Variants in MEI1 observed in about 807,000 individuals in gnomAD.
MEI1 encodes meiosis inhibitor protein 1.
In MEI1, 103 loss-of-function variants were observed where a neutral mutation model predicts 146.2. That is an observed-to-expected ratio of 0.70 (90% CI 0.60 to 0.83). The LOEUF (loss-of-function observed/expected upper bound fraction) is 0.83. Ranked by LOEUF, MEI1 falls within the 40% of genes least tolerant of loss-of-function variation. The pLI is 0.00. For synonymous variants in MEI1, 652 were observed against 628.2 expected, an observed-to-expected ratio of 1.04 and a Z score of -0.57; for missense variants, 1,529 against 1,533.0, an observed-to-expected ratio of 1.00 and a Z score of 0.04.
At chr22:41,752,775 G>C in intron 16 of MEI1, 124 bp downstream of exon 16, 1 of 793,184 alleles carries the variant, frequency 1.3e-6, no homozygotes, top group Non-Finnish European at 2.2e-6. Context: ...CATAGTGTCA[G>C]CATTGCTCAG....
intron 6 of MEI1, among the ~76,000 whole-genome samples, chr22:41,721,331 G>T (rs1361933046): frequency 1.5e-5 from 2 of 133,808 alleles, no homozygotes; most frequent in African/African-American, 5.8e-5. Flanking sequence ...TGCAACCTCC[G>T]CCTCCCAGGT....
chr22:41,735,753 C>T (rs1397540719), intron 11 of MEI1, among the ~76,000 whole-genome samples: 1 of 152,040 alleles, frequency 6.6e-6, no homozygotes, highest in Non-Finnish European at 1.5e-5. Flanking sequence ...CTGTTGACTC[C>T]ATCACCTTTA....
At chr22:41,743,047 AC>A in intron 11 of MEI1, 32 bp from the exon 12 acceptor site, 2 of 1,529,262 alleles carry the variant, frequency 1.3e-6, no homozygotes, top group South Asian at 1.1e-5. Context: ...CCGTTGCCTT[AC>A]CGTGAACCTG....
At chr22:41,778,440 A>G (rs998994135) in intron 21 of MEI1, among the ~76,000 whole-genome samples, 2 of 152,256 alleles carry the variant, frequency 1.3e-5, no homozygotes, top group African/African-American at 4.8e-5. Context: ...CAAAATAGGA[A>G]TAACAATCCA....
intron 6 of MEI1, among the ~76,000 whole-genome samples, chr22:41,719,687 T>C (rs1292590939): frequency 6.6e-6 from 1 of 152,228 alleles, no homozygotes; most frequent in East Asian, 1.9e-4. Flanking sequence ...ATTCAAACCA[T>C]GGCACTAGGT....
chr22:41,765,127 C>A (rs1343034369), intron 19 of MEI1, among the ~76,000 whole-genome samples: 1 of 152,318 alleles, frequency 6.6e-6, no homozygotes, highest in East Asian at 1.9e-4. Context: ...GCCTCAGCCT[C>A]CCGAGTAGCT....
At chr22:41,760,031 C>T (rs1296621102) in intron 18 of MEI1, among the ~76,000 whole-genome samples, 7 of 151,960 alleles carry the variant, frequency 4.6e-5, no homozygotes, top group African/African-American at 7.2e-5. Flanking sequence ...AAAATCAGGC[C>T]GGGTGCAGTG....
At chr22:41,714,949 A>G (rs2069955474) in intron 4 of MEI1, among the ~76,000 whole-genome samples, 1 of 152,184 alleles carries the variant, frequency 6.6e-6, no homozygotes, top group Non-Finnish European at 1.5e-5. Flanking sequence ...ATATCAGAAT[A>G]ACTTTTTATT....
chr22:41,776,063 A>T (rs1257827344), intron 20 of MEI1, 39 bp from the exon 21 acceptor site: 8 of 1,603,086 alleles, frequency 5.0e-6, no homozygotes, highest in Non-Finnish European at 6.8e-6. Context: ...CCCCAACTGC[A>T]GTACCCTCTG....
intron 19 of MEI1, among the ~76,000 whole-genome samples, chr22:41,768,867 TC>T (rs2075011597): frequency 6.6e-6 from 1 of 152,190 alleles, no homozygotes; most frequent in African/African-American, 2.4e-5. Context: ...CAAATCCAAA[TC>T]ATATCAACTT....
Position 41,703,434 on chromosome 22 carries a change from A to G in MEI1, c.278A>G (p.His93Arg), listed in dbSNP as rs201325200. ...LVSQDQRVCIHFISVLFGLLC... is the reference protein window; with the variant it reads ...LVSQDQRVCIRFISVLFGLLC... The stretch of plus-strand genomic sequence containing the variant: ...TCTCAGGATCAGAGAGTCTGCATCC[A>G]CTTCATAAGTGTGCTTTTTGGTAAG... The change falls in exon 2 of 31, where the codon CAC (histidine) becomes CGC (arginine). Residue 93 changes from histidine to arginine, a missense_variant. His to Arg is a conservative substitution (Grantham distance 29, BLOSUM62 0). Around this residue, in one of 3 missense-constraint regions of MEI1, gnomAD observed 1,212 missense variants for 1,178.9 expected, o/e 1.03. Transcript: ENST00000401548. 1 of 1,590,880 alleles carries G rather than the reference A, an allele frequency of 6.3e-7. No individual in the cohort carries two copies. Among genetic ancestry groups the G allele is most frequent in the East Asian group, 2.3e-5 (1 of 44,392 alleles).
chr22:41,713,093 G>A (rs989968433), intron 3 of MEI1, among the ~76,000 whole-genome samples: 5 of 152,116 alleles, frequency 3.3e-5, no homozygotes, highest in African/African-American at 1.2e-4. Context: ...ACATGCGTGA[G>A]CCACCGCGCC....
intron 7 of MEI1, among the ~76,000 whole-genome samples, chr22:41,728,881 TAAGGC>T (rs954416704): frequency 4.1e-5 from 6 of 146,798 alleles, no homozygotes; most frequent in African/African-American, 1.5e-4. Flanking sequence ...AAAATAGTAA[TAAGGC>T]AAGGCGTAGT....
At chr22:41,754,366 T>C (rs765819857) in intron 17 of MEI1, among the ~76,000 whole-genome samples, 8 of 152,204 alleles carry the variant, frequency 5.3e-5, no homozygotes, top group Non-Finnish European at 1.0e-4. Flanking sequence ...GTGTTCACTA[T>C]AGCATTAATA....
At chr22:41,711,112 C>T (rs1426832319) in intron 3 of MEI1, among the ~76,000 whole-genome samples, 1 of 152,204 alleles carries the variant, frequency 6.6e-6, no homozygotes, top group Non-Finnish European at 1.5e-5. Flanking sequence ...AGTGTCTTCC[C>T]ACTTTATGCT....
chr22:41,705,114 C>T (rs1183476557), intron 2 of MEI1, among the ~76,000 whole-genome samples: 1 of 151,700 alleles, frequency 6.6e-6, no homozygotes, highest in Admixed American at 6.6e-5. Flanking sequence ...TGCTTTTAGA[C>T]TTAGAATTTA....
chr22:41,726,147 A>G (rs746676359), intron 7 of MEI1, among the ~76,000 whole-genome samples: 2 of 152,108 alleles, frequency 1.3e-5, no homozygotes, highest in Non-Finnish European at 2.9e-5. Flanking sequence ...GCGTGGTGGC[A>G]CACACCTGTA....
chr22:41,771,529 G>A (rs1479511773), intron 20 of MEI1, among the ~76,000 whole-genome samples: 2 of 151,960 alleles, frequency 1.3e-5, no homozygotes, highest in South Asian at 2.1e-4. Flanking sequence ...TCCACCTCCC[G>A]GGTTCACGCA....
At position 41,730,588 on chromosome 22, in the gene MEI1, A is replaced by C. The variant is rs778047977; in HGVS notation, c.1047A>C (p.Thr349=). 6.2e-7 allele frequency: 1 copy of C among 1,613,436 alleles called. No individual in the cohort carries two copies. Among genetic ancestry groups the C allele is most frequent in the Non-Finnish European group, 8.5e-7 (1 of 1,179,706 alleles). Residue 349 remains threonine, a synonymous_variant, in exon 9 of 31, where the codon ACA becomes ACC. Transcript: ENST00000401548. ...TCTGGTCCAGCTGTAACTGCTTGACACTCCTGGTAGAAGAGCCACTCTTTT... is the reference window on the plus strand; with the variant it reads ...TCTGGTCCAGCTGTAACTGCTTGACCCTCCTGGTAGAAGAGCCACTCTTTT... ...VLVWSSCNCL[T]LLVEEPLFFS... is the part of the protein sequence containing the mutation.
Sources: allele counts gnomAD v4.1 joint callset (sites outside exome capture counted in the v4.1 genomes callset), GRCh38; gene constraint gnomAD v4.1.1; regional missense constraint gnomAD v4.1.1; transcripts MANE v1.5; gene names NCBI Gene and HGNC (gene_info 2026-07-23, HGNC 2026-07-21).